The following FRMD7 variants were observed in gnomAD, a reference collection of about 807,000 sequenced individuals.
FRMD7 encodes FERM domain containing 7, also known as FERM domain-containing protein 7.
A neutral mutation model predicts 44.1 loss-of-function variants in FRMD7; 14 were observed. The ratio of observed to expected loss-of-function variants is 0.32; its 90% CI spans 0.21 to 0.50. The LOEUF is 0.50. FRMD7 is among the 20% of genes least tolerant of loss of function. The probability of loss-of-function intolerance (pLI) is 0.99; values close to 1 mark genes in which losing one functional copy is unlikely to be tolerated. For synonymous variants in FRMD7, 212 were observed against 187.4 expected (o/e 1.13, Z -1.07); for missense variants, 501 against 522.3 (o/e 0.96, Z 0.40).
At chrX:132,083,235 C>T (rs930306895) in intron 8 of FRMD7, among the ~76,000 whole-genome samples, 6 of 112,014 alleles carry the variant, frequency 5.4e-5, no homozygotes, top group Non-Finnish European at 9.4e-5. Flanking sequence ...GGATTATGAA[C>T]GCAAGCCACT....
At chrX:132,114,604 T>A (rs1485856067) in intron 1 of FRMD7, among the ~76,000 whole-genome samples, 1 of 112,350 alleles carries the variant, frequency 8.9e-6, no homozygotes, top group African/African-American at 3.2e-5. Context: ...TCTATAGGAT[T>A]CAAACTGATT....
At chrX:132,121,186 A>G (rs1439227391) in intron 1 of FRMD7, among the ~76,000 whole-genome samples, 1 of 111,549 alleles carries the variant, frequency 9.0e-6, no homozygotes, top group Non-Finnish European at 1.9e-5. Flanking sequence ...AGGAAGTTTC[A>G]CTGCATATAC....
intron 1 of FRMD7, among the ~76,000 whole-genome samples, chrX:132,115,761 A>C (rs189051495): frequency 1.6e-4 from 18 of 111,674 alleles, no homozygotes; most frequent in African/African-American, 5.9e-4. Context: ...CTCAATGTCG[A>C]ATTTGACATT....
intron 1 of FRMD7, among the ~76,000 whole-genome samples, chrX:132,110,406 T>C (rs1928748406): frequency 9.0e-6 from 1 of 110,942 alleles, no homozygotes; most frequent in Non-Finnish European, 1.9e-5. Context: ...CAGTTGGACT[T>C]GGGGAGGTTA....
chrX:132,099,243 T>G (rs768047164), intron 3 of FRMD7, among the ~76,000 whole-genome samples: 1 of 111,524 alleles, frequency 9.0e-6, no homozygotes, highest in African/African-American at 3.3e-5. Flanking sequence ...ATTACCAGAG[T>G]TCTTCAGATT....
Position 132,077,421 on chromosome X carries a change from C to A in FRMD7, c.*451G>T. On this transcript the variant is annotated 3_prime_UTR_variant, in exon 12 of 12. Coordinates refer to ENST00000298542, the MANE Select transcript of FRMD7 (RefSeq NM_194277.3). ...ACAAGACCATTTCTACTGGGCCCCA[C>A]ACAAATAGTAAAGACTGAAATATTT... 1 of 137,145 alleles carries A rather than the reference C, an allele frequency of 7.3e-6. No individual in the cohort carries two copies. 11.3% of individuals were successfully genotyped at this position (137,145 alleles called of 1,213,427 possible). A position where few individuals can be genotyped will look rare whatever the true frequency, so the allele number is the denominator to read the frequency against.
intron 4 of FRMD7, among the ~76,000 whole-genome samples, chrX:132,097,000 T>G (rs975610614): frequency 9.0e-6 from 1 of 111,062 alleles, no homozygotes; most frequent in Non-Finnish European, 1.9e-5. Flanking sequence ...CATTCATTGT[T>G]GTAGTAGTTA....
intron 1 of FRMD7, among the ~76,000 whole-genome samples, chrX:132,104,296 G>A (rs1414673999): frequency 1.8e-5 from 2 of 109,033 alleles, no homozygotes; most frequent in African/African-American, 3.4e-5. Context: ...TACTCTGTAC[G>A]TGTCTGAATT....
At chrX:132,093,728 G>C (rs1347280897) in intron 5 of FRMD7, among the ~76,000 whole-genome samples, 1 of 112,560 alleles carries the variant, frequency 8.9e-6, no homozygotes, top group Non-Finnish European at 1.9e-5. Context: ...GACCTGTCTG[G>C]CAAAGCCCAT....
intron 5 of FRMD7, among the ~76,000 whole-genome samples, chrX:132,089,600 A>G (rs535784452): frequency 8.9e-6 from 1 of 112,302 alleles, no homozygotes; most frequent in Non-Finnish European, 1.9e-5. Context: ...TGTATATCTT[A>G]TAAAGACTTT....
At chrX:132,093,234 A>G (rs1486037509) in intron 5 of FRMD7, among the ~76,000 whole-genome samples, 4 of 112,333 alleles carry the variant, frequency 3.6e-5, no homozygotes, top group Non-Finnish European at 5.6e-5. Flanking sequence ...TTTCTGGACT[A>G]TCAGAAAGGT....
intron 1 of FRMD7, among the ~76,000 whole-genome samples, chrX:132,114,934 C>T (rs1928865704): frequency 8.9e-6 from 1 of 112,397 alleles, no homozygotes; most frequent in African/African-American, 3.2e-5. Context: ...ACTTGGGTTC[C>T]TGCTGTTTGA....
chrX:132,080,758 A>T (rs912137480), intron 9 of FRMD7, among the ~76,000 whole-genome samples: 2 of 111,323 alleles, frequency 1.8e-5, no homozygotes, highest in African/African-American at 6.5e-5. Flanking sequence ...GGCTGCAGTG[A>T]GCGGAGATCA....
intron 9 of FRMD7, among the ~76,000 whole-genome samples, chrX:132,080,995 A>G (rs748871927): frequency 4.8e-4 from 52 of 108,404 alleles, no homozygotes; most frequent in Non-Finnish European, 8.2e-4. Context: ...ATACACTAAC[A>G]AAGAAAGTCA....
intron 9 of FRMD7, among the ~76,000 whole-genome samples, chrX:132,080,486 G>T (rs1162600164): frequency 3.6e-5 from 4 of 111,769 alleles, no homozygotes; most frequent in Admixed American, 2.8e-4. Flanking sequence ...CTCTGAACAG[G>T]GTTACATAAC....
At chrX:132,102,641 A>T (rs1380025817) in intron 1 of FRMD7, among the ~76,000 whole-genome samples, 3 of 112,200 alleles carry the variant, frequency 2.7e-5, no homozygotes, top group Non-Finnish European at 5.6e-5. Context: ...TTATGAAAAA[A>T]AAAAAGAATT....
Position 132,084,657 on chromosome X carries a change from T to C in FRMD7, c.646-72A>G, listed in dbSNP as rs1040299822. Reference sequence around the variant, plus strand: ...GGCTTGTAAGACAGTGCAAACCTGATAGAAAATGCACTTAATGAGAGGGAC... The same window carrying C: ...GGCTTGTAAGACAGTGCAAACCTGACAGAAAATGCACTTAATGAGAGGGAC... On this transcript the variant is annotated intron_variant, in intron 7 of 11. Transcript: ENST00000298542. 1.4e-5 allele frequency: 9 copies of C among 632,227 alleles called. No individual in the cohort carries two copies. The African/African-American group carries it at 1.5e-4, about 11-fold the overall frequency. The allele number at this position is 632,227 out of a possible 1,213,427, so 52.1% of individuals were successfully genotyped here. A position where few individuals can be genotyped will look rare whatever the true frequency, so the allele number is the denominator to read the frequency against.
At chrX:132,108,433 G>T (rs1928698935) in intron 1 of FRMD7, among the ~76,000 whole-genome samples, 1 of 111,877 alleles carries the variant, frequency 8.9e-6, no homozygotes, top group Non-Finnish European at 1.9e-5. Flanking sequence ...TCTCAAAAGG[G>T]ATCACAGGGA....
At chrX:132,081,032 TC>T (rs1927790375) in intron 9 of FRMD7, among the ~76,000 whole-genome samples, 2 of 90,180 alleles carry the variant, frequency 2.2e-5, no homozygotes, top group Non-Finnish European at 4.5e-5. Context: ...AACATAAAAA[TC>T]AAAAAAAATC....
Sources: gnomAD v4.1 joint callset for allele counts (sites outside exome capture counted in the v4.1 genomes callset) on GRCh38, gnomAD v4.1.1 for gene constraint, MANE v1.5 for transcripts, NCBI Gene and HGNC (gene_info 2026-07-23, HGNC 2026-07-21) for gene names.